The following NCR1 variants were observed in gnomAD, a reference collection of about 807,000 sequenced individuals.
NCR1 encodes the protein NK cell-activating receptor.
In NCR1, 30 loss-of-function variants were observed where a neutral mutation model predicts 32.5. That is an observed-to-expected ratio of 0.92 (90% confidence interval 0.69 to 1.25). NCR1 has a LOEUF of 1.25. Ranked by LOEUF, NCR1 falls within the 50% of genes most tolerant of loss-of-function variation. NCR1 has a pLI of 0.00. For missense variants in NCR1, 369 were observed against 380.7 expected (o/e 0.97, Z 0.26); for synonymous variants, 169 against 143.4 (o/e 1.18, Z -1.28).
downstream of NCR1, among the ~76,000 whole-genome samples, chr19:54,917,318 AAAC>A (rs2068155628): frequency 6.9e-6 from 1 of 144,334 alleles, no homozygotes. Context: ...CCTCAAAAAA[AAAC>A]AAAAACAAAA....
chr19:54,910,188 G>GTGCTGGGATTA, intron 5 of NCR1, 123 bp downstream of exon 5: 1 of 951,334 alleles, frequency 1.1e-6, no homozygotes, highest in Non-Finnish European at 1.6e-6. Context: ...TGTAATCCCA[G>GTGCTGGGATTA]CACTTTGGGA....
chr19:54,917,326 A>T (rs1320122588), downstream of NCR1, among the ~76,000 whole-genome samples: 1 of 151,212 alleles, frequency 6.6e-6, no homozygotes, highest in African/African-American at 2.4e-5. Context: ...AAAAACAAAA[A>T]CAAAAACAAA....
chr19:54,919,684 T>C (rs2146114916), downstream of NCR1, among the ~76,000 whole-genome samples: 1 of 146,682 alleles, frequency 6.8e-6, no homozygotes, highest in South Asian at 2.2e-4. Context: ...AGGAGCAGAG[T>C]CTTCTCTAAA....
chr19:54,913,604 T>C (rs866607763), downstream of NCR1, among the ~76,000 whole-genome samples: 3 of 152,274 alleles, frequency 2.0e-5, no homozygotes, highest in Middle Eastern at 6.8e-3. Flanking sequence ...TCAGGAGGCA[T>C]TGTGGCAACA....
At chr19:54,928,994 C>T in the NCR1 span, among the ~76,000 whole-genome samples, 1 of 152,040 alleles carries the variant, frequency 6.6e-6, no homozygotes, top group Non-Finnish European at 1.5e-5. Flanking sequence ...CACCCGTTTG[C>T]ATTGAGCTTT....
At chr19:54,923,798 G>C in the NCR1 span, 1 of 1,614,066 alleles carries the variant, frequency 6.2e-7, no homozygotes, top group Non-Finnish European at 8.5e-7. Context: ...GCAATCAATA[G>C]TCAGCTTGGG....
At chr19:54,934,950 G>A in the NCR1 span, among the ~76,000 whole-genome samples, 4 of 152,086 alleles carry the variant, frequency 2.6e-5, no homozygotes, top group Admixed American at 1.3e-4. The surrounding 1 kb of genome is among the most constrained non-coding windows in gnomAD (Gnocchi z 6.7). Context: ...ACCCACCTTG[G>A]CCTACCGAAG....
rs770811879 is a variant in NCR1 at position 54,910,019 on chromosome 19, C to A, written c.636C>A (p.Gly212=). 34 of 1,612,240 alleles carry A rather than the reference C, an allele frequency of 2.1e-5. No homozygotes were observed. Among genetic ancestry groups the A allele is most frequent in the South Asian group, 1.5e-4 (14 of 90,946 alleles). Reference sequence around the variant, plus strand: ...TTTTTTCTTTATCTCCTTTTCCAGGCGACATTGAGAACACCAGCCTTGCAC... The same window carrying A: ...TTTTTTCTTTATCTCCTTTTCCAGGAGACATTGAGAACACCAGCCTTGCAC... ...PSEPVKLLVT[G]DIENTSLAPE... The change falls in exon 5 of 7, where the codon GGC becomes GGA. Residue 212 remains glycine, a splice_region_variant and synonymous_variant. Coordinates refer to ENST00000291890, the MANE Select transcript of NCR1 (RefSeq NM_004829.7).
At chr19:54,902,737 T>G (rs2067322036), upstream of NCR1, among the ~76,000 whole-genome samples, 3 of 152,240 alleles carry the variant, frequency 2.0e-5, no homozygotes, top group South Asian at 6.2e-4. Flanking sequence ...ATAGAGGGCA[T>G]CCAAGCGCTC....
At chr19:54,931,577 A>G in the NCR1 span, among the ~76,000 whole-genome samples, 6 of 151,976 alleles carry the variant, frequency 3.9e-5, no homozygotes, top group African/African-American at 7.2e-5. Context: ...AATCCCAGCT[A>G]CTCAGGAGGC....
the NCR1 span, chr19:54,930,504 G>A: frequency 4.4e-6 from 7 of 1,602,506 alleles, no homozygotes; most frequent in East Asian, 1.1e-4. Context: ...CCTACCGTAG[G>A]TGTTTTAGGT....
chr19:54,910,586 A>G (rs1246121917), intron 5 of NCR1, among the ~76,000 whole-genome samples: 1 of 152,042 alleles, frequency 6.6e-6, no homozygotes, highest in Non-Finnish European at 1.5e-5. Context: ...AAAAACAAAA[A>G]CAAAACTATT....
chr19:54,927,743 C>A, the NCR1 span: 1 of 1,614,092 alleles, frequency 6.2e-7, no homozygotes, highest in South Asian at 1.1e-5. Flanking sequence ...AAGATGCTGA[C>A]AATAGAAAGG....
chr19:54,934,030 G>A, the NCR1 span, among the ~76,000 whole-genome samples: 7 of 152,126 alleles, frequency 4.6e-5, no homozygotes, highest in East Asian at 1.9e-4. This position sits in a 1 kb window ranked among gnomAD's most constrained non-coding sequence, Gnocchi z 6.7. Context: ...GCCAATCGCC[G>A]CCTCCCAGGT....
chr19:54,930,031 C>T, the NCR1 span, among the ~76,000 whole-genome samples: 2 of 145,680 alleles, frequency 1.4e-5, no homozygotes, highest in African/African-American at 5.1e-5. Flanking sequence ...AGGAGAATAG[C>T]GAGAACCCGG....
chr19:54,919,213 C>G (rs775852), downstream of NCR1, among the ~76,000 whole-genome samples: 15,985 of 150,572 alleles, frequency 0.11, 1,258 homozygotes, highest in African/African-American at 0.21. Flanking sequence ...AATAAAGACA[C>G]AAGACAAAGA....
the NCR1 span, chr19:54,938,145 G>C: frequency 6.2e-7 from 1 of 1,614,036 alleles, no homozygotes; most frequent in East Asian, 2.2e-5. Context: ...GAAACTTGAG[G>C]TTGCTGTTTG....
the NCR1 span, among the ~76,000 whole-genome samples, chr19:54,929,226 G>A: frequency 2.0e-4 from 31 of 152,074 alleles, no homozygotes; most frequent in Middle Eastern, 3.4e-3. Flanking sequence ...AAAATTAGCT[G>A]GGTATGGTGG....
chr19:54,929,663 T>C, the NCR1 span, among the ~76,000 whole-genome samples: 3 of 152,128 alleles, frequency 2.0e-5, no homozygotes, highest in Non-Finnish European at 4.4e-5. Context: ...AGAAGCAGCA[T>C]GCTGCTGAAG....
Sources: allele counts gnomAD v4.1 joint callset (sites outside exome capture counted in the v4.1 genomes callset), GRCh38; gene constraint gnomAD v4.1.1; non-coding constraint Gnocchi (gnomAD v3.1); transcripts MANE v1.5; gene names NCBI Gene and HGNC (gene_info 2026-07-23, HGNC 2026-07-21).